SUCLG2: variants seen among roughly 807,000 people sequenced by gnomAD.
The protein encoded by SUCLG2 is succinate-CoA ligase GDP-forming subunit beta.
Under a neutral mutation model 47.9 loss-of-function variants are expected in SUCLG2, and 42 were observed. The observed-to-expected ratio is 0.88, with a 90% CI of 0.69 to 1.14. SUCLG2 has a LOEUF of 1.14. Among genes scored for constraint, SUCLG2 ranks in the 50% most tolerant of loss-of-function variants. SUCLG2 has a pLI of 0.00. For synonymous variants in SUCLG2, 195 were observed against 197.3 expected, an observed-to-expected ratio of 0.99 and a Z score of 0.10; for missense variants, 571 against 525.9, an observed-to-expected ratio of 1.09 and a Z score of -0.84.
intron 9 of SUCLG2, among the ~76,000 whole-genome samples, chr3:67,493,441 A>G (rs1302385685): frequency 2.0e-5 from 3 of 152,222 alleles, no homozygotes; most frequent in African/African-American, 7.2e-5. Flanking sequence ...GCATTTGAAA[A>G]TGTTCCATAA....
rs371333732 is a variant in SUCLG2, at chr3:67,381,378, C to A, written c.1184-5519G>T. Reference sequence around the variant, plus strand: ...TAAGGTTATTTTCTTCTTAATTCACCAAGTGTCTGACATCTATTCCCCAAC... The same window carrying A: ...TAAGGTTATTTTCTTCTTAATTCACAAAGTGTCTGACATCTATTCCCCAAC... On this transcript the variant is annotated intron_variant, in intron 10 of 10. Transcript: ENST00000307227. Among the ~76,000 whole-genome samples, 54 of 152,112 alleles carry A rather than the reference C, an allele frequency of 3.6e-4. 1 individual carries two copies. The South Asian group carries it at 0.01, about 29-fold the overall frequency.
intron 7 of SUCLG2, among the ~76,000 whole-genome samples, chr3:67,507,204 T>C: frequency 6.6e-6 from 1 of 152,090 alleles, no homozygotes; most frequent in East Asian, 1.9e-4. Flanking sequence ...ATAGCAACTT[T>C]AAAAAAAATA....
intron 2 of SUCLG2, among the ~76,000 whole-genome samples, chr3:67,568,615 CG>C (rs1168295665): frequency 3.3e-5 from 5 of 152,126 alleles, no homozygotes; most frequent in African/African-American, 9.7e-5. Context: ...GAGCCGGGCG[CG>C]GTGGCTCACG....
chr3:67,495,689 T>G (rs984225985), intron 9 of SUCLG2, 109 bp downstream of exon 9: 17 of 1,222,734 alleles, frequency 1.4e-5, no homozygotes, highest in Non-Finnish European at 1.8e-5. Flanking sequence ...CATCTGGGGC[T>G]GCAGAGTACA....
At chr3:67,400,080 G>C (rs975304759) in intron 10 of SUCLG2, among the ~76,000 whole-genome samples, 5 of 152,078 alleles carry the variant, frequency 3.3e-5, no homozygotes, top group African/African-American at 1.2e-4. Flanking sequence ...ACATATGTCT[G>C]TGAGGCCAGA....
At chr3:67,375,911 A>C in intron 10 of SUCLG2, 52 bp from the exon 11 acceptor site, 1 of 1,585,566 alleles carries the variant, frequency 6.3e-7, no homozygotes, top group Non-Finnish European at 8.6e-7. Context: ...GTGGCGCCTT[A>C]TGAAGTTTGC....
chr3:67,417,169 A>ATG (rs1217720405), intron 9 of SUCLG2, among the ~76,000 whole-genome samples: 1 of 152,236 alleles, frequency 6.6e-6, no homozygotes, highest in Non-Finnish European at 1.5e-5. Context: ...GTACTGTTTG[A>ATG]TGTTTCACCA....
intron 7 of SUCLG2, among the ~76,000 whole-genome samples, chr3:67,507,947 C>T (rs563855306): frequency 6.6e-6 from 1 of 151,584 alleles, no homozygotes; most frequent in African/African-American, 2.4e-5. Context: ...TGTAGAACTC[C>T]ACTTTACCCC....
At chr3:67,371,180 T>C (rs1420063027), downstream of SUCLG2, among the ~76,000 whole-genome samples, 1 of 152,172 alleles carries the variant, frequency 6.6e-6, no homozygotes, top group East Asian at 1.9e-4. Context: ...CATGCCTGTA[T>C]GTTGCTGCCT....
intron 9 of SUCLG2, among the ~76,000 whole-genome samples, chr3:67,412,436 G>C (rs368724331): frequency 6.6e-6 from 1 of 152,218 alleles, no homozygotes; most frequent in East Asian, 1.9e-4. Context: ...ACCTAGCTGT[G>C]CTGCAGAATT....
chr3:67,486,168 G>C (rs1044158954), intron 9 of SUCLG2, among the ~76,000 whole-genome samples: 8 of 152,136 alleles, frequency 5.3e-5, no homozygotes, highest in African/African-American at 1.9e-4. Flanking sequence ...AGGAGGCTGA[G>C]GTGGGAGGAT....
In SUCLG2 at chr3:67,472,187, T is replaced by C. The variant is rs563131462; in HGVS notation, c.1062+23611A>G. ...CTTTCTTGGACTCTAATTTGAGGCA[T>C]TGTTAACACAGTGATGTTCATTTAT... On this transcript the variant is annotated intron_variant, in intron 9 of 10. Coordinates refer to ENST00000307227, the MANE Select transcript of SUCLG2 (RefSeq NM_003848.4). Among the ~76,000 whole-genome samples the C allele has an allele frequency of 3.3e-3, 507 of 152,330 alleles. 5 individuals are homozygous for C. Among genetic ancestry groups the C allele is most frequent in the African/African-American group, 0.012 (479 of 41,574 alleles).
At chr3:67,389,542 G>C (rs1273871536) in intron 10 of SUCLG2, among the ~76,000 whole-genome samples, 4 of 152,156 alleles carry the variant, frequency 2.6e-5, no homozygotes, top group Non-Finnish European at 5.9e-5. Context: ...TGGAGAAAAA[G>C]TTGCCAACTA....
intron 2 of SUCLG2, among the ~76,000 whole-genome samples, chr3:67,568,971 T>C (rs1040464648): frequency 2.6e-5 from 4 of 152,250 alleles, no homozygotes; most frequent in African/African-American, 9.6e-5. Flanking sequence ...TTTTCAGTTT[T>C]CAATTCCTAA....
chr3:67,627,871 C>T (rs1160103778), intron 1 of SUCLG2, among the ~76,000 whole-genome samples: 2 of 152,168 alleles, frequency 1.3e-5, no homozygotes, highest in African/African-American at 4.8e-5. Flanking sequence ...CCCAGCTCTG[C>T]AGGACCTATG....
Position 67,554,950 on chromosome 3 carries a change from G to T in SUCLG2, c.227-25764C>A, listed in dbSNP as rs545435014. On this transcript the variant is annotated intron_variant, in intron 2 of 10. Transcript: ENST00000307227. ...AGATACTGGCAGCATGCATACTGGA[G>T]ATCAAGTACCCAGGCACTGAGGGAT... Among the ~76,000 whole-genome samples, 4 of 152,170 alleles carry T rather than the reference G, an allele frequency of 2.6e-5. No homozygotes were observed. The East Asian group carries it at 7.7e-4, about 29-fold the overall frequency.
chr3:67,530,752 C>T (rs1016207029), intron 2 of SUCLG2, among the ~76,000 whole-genome samples: 2 of 152,196 alleles, frequency 1.3e-5, no homozygotes, highest in Non-Finnish European at 2.9e-5. Flanking sequence ...GTCCTGTGTA[C>T]CCTCTGGCAA....
chr3:67,481,463 T>C (rs1704913921), intron 9 of SUCLG2, among the ~76,000 whole-genome samples: 1 of 152,208 alleles, frequency 6.6e-6, no homozygotes, highest in South Asian at 2.1e-4. Context: ...TGGACTGTAG[T>C]TTGTCTGTCC....
intron 1 of SUCLG2, among the ~76,000 whole-genome samples, chr3:67,652,431 T>A (rs773569294): frequency 6.6e-6 from 1 of 152,146 alleles, no homozygotes; most frequent in Admixed American, 6.5e-5. Flanking sequence ...ATGAGAGAAG[T>A]GGGCCATGTT....
Sources: gnomAD v4.1 joint callset for allele counts (sites outside exome capture counted in the v4.1 genomes callset) on GRCh38, gnomAD v4.1.1 for gene constraint, MANE v1.5 for transcripts, NCBI Gene and HGNC (gene_info 2026-07-23, HGNC 2026-07-21) for gene names.